BBS4: variants seen among roughly 807,000 people sequenced by gnomAD.
BBS4 encodes BBSome complex member BBS4.
BBS4 carries 58 observed loss-of-function variants against 71.4 expected under a neutral mutation model. That is an observed-to-expected ratio of 0.81 (90% CI 0.66 to 1.01). The LOEUF is 1.01. Ranked by LOEUF, BBS4 falls within the 50% of genes least tolerant of loss-of-function variation. The pLI, the probability that BBS4 is intolerant of heterozygous loss-of-function variation, is 0.00. For synonymous variants in BBS4, 228 were observed against 216.8 expected (o/e 1.05, Z -0.46); for missense variants, 660 against 607.9 (o/e 1.09, Z -0.90).
intron 2 of BBS4, among the ~76,000 whole-genome samples, chr15:72,704,237 G>A (rs2065224041): frequency 6.6e-6 from 1 of 152,094 alleles, no homozygotes; most frequent in South Asian, 2.1e-4. Flanking sequence ...CTCGTCAGCT[G>A]GCTACCTGAC....
chr15:72,708,336 G>A (rs1338958497), intron 2 of BBS4, among the ~76,000 whole-genome samples: 5 of 152,098 alleles, frequency 3.3e-5, no homozygotes, highest in African/African-American at 7.2e-5. Context: ...CGGAGGGACC[G>A]GCTGGAGCTG....
At chr15:72,736,162 GCTTA>G (rs1214277090) in intron 14 of BBS4, among the ~76,000 whole-genome samples, 196 bp downstream of exon 14, 2 of 151,842 alleles carry the variant, frequency 1.3e-5, no homozygotes, top group African/African-American at 2.4e-5. Context: ...GGAAATTCAG[GCTTA>G]CTGAGTTGTT....
chr15:72,702,548 A>G, intron 2 of BBS4, among the ~76,000 whole-genome samples: 1 of 148,122 alleles, frequency 6.8e-6, no homozygotes, highest in East Asian at 2.5e-4. Context: ...AATCTTTTAT[A>G]TGACTTTTTT....
rs563168811 is a variant in BBS4, at chr15:72,704,837, G to A, written c.77-4863G>A. On this transcript the variant is annotated intron_variant, in intron 2 of 15. Transcript: ENST00000268057. ...GGAGATTGCGGTGAGCTAAGATCGC[G>A]CCACTGCACTCCGGCCTTTATGACA... Among the ~76,000 whole-genome samples the A allele has an allele frequency of 4.0e-5, 6 of 150,318 alleles. No homozygotes were observed. The East Asian group carries it at 8.5e-4, about 21-fold the overall frequency.
At chr15:72,724,755 C>A in intron 8 of BBS4, 100 bp downstream of exon 8, 1 of 1,468,486 alleles carries the variant, frequency 6.8e-7, no homozygotes, top group Non-Finnish European at 9.3e-7. Flanking sequence ...TGATTAATTA[C>A]TTACTGTATG....
chr15:72,729,669 C>A lies in BBS4; in HGVS notation c.696C>A (p.Asp232Glu), dbSNP rs1226328353. 6.2e-7 allele frequency: 1 copy of A among 1,614,050 alleles called. No individual in the cohort carries two copies. Among genetic ancestry groups the A allele is most frequent in the East Asian group, 2.2e-5 (1 of 44,880 alleles). Residue 232 changes from aspartate (D) to glutamate (E), a missense_variant, in exon 10 of 16, where the codon GAC becomes GAA. Transcript: ENST00000268057. The part of the protein sequence containing the change: ...FEHLGNALTY[D>E]PTNYKAILAA... ...ATCTTGGCAATGCACTGACTTATGA[C>A]CCTACCAACTACAAGGTATTACAGG...
At chr15:72,706,298 G>A (rs984336452) in intron 2 of BBS4, among the ~76,000 whole-genome samples, 4 of 151,904 alleles carry the variant, frequency 2.6e-5, no homozygotes, top group South Asian at 2.1e-4. Flanking sequence ...CACCACTCCC[G>A]GCTAATTTTT....
chr15:72,707,643 C>T (rs1467306693), intron 2 of BBS4, among the ~76,000 whole-genome samples: 1 of 152,108 alleles, frequency 6.6e-6, no homozygotes, highest in East Asian at 1.9e-4. Context: ...GTTGAAGTCT[C>T]CTTTCTGTCT....
intron 3 of BBS4, among the ~76,000 whole-genome samples, chr15:72,710,496 A>G (rs2065349971): frequency 6.6e-6 from 1 of 151,796 alleles, no homozygotes; most frequent in African/African-American, 2.4e-5. Context: ...CACCGTGCCC[A>G]GCCCTGAGTT....
chr15:72,722,202 C>A (rs76532721), intron 6 of BBS4, among the ~76,000 whole-genome samples: 3,742 of 152,324 alleles, frequency 0.025, 60 homozygotes, highest in Non-Finnish European at 0.036. Context: ...CCATAGTTTT[C>A]CCATGTCAGC....
rs765341898 is a variant in BBS4 at position 72,736,833 on chromosome 15, TAA to T, written c.1322_1323del (p.Lys441ArgfsTer24). ...AGGCACTGGTCTGGACCAAACCAGT[TAA>T]AGATCCCAAATCAAAGCACCAGACC... ...GEALVWTKPV[K>X]DPKSKHQTTS... is the part of the protein sequence containing the mutation. On this transcript the variant is annotated frameshift_variant, in exon 15 of 16. Transcript: ENST00000268057. LOFTEE classifies it high-confidence loss of function. The T allele has an allele frequency of 3.1e-6, 5 of 1,614,172 alleles. No individual in the cohort carries two copies.
At chr15:72,722,420 G>A (rs1236920200) in intron 6 of BBS4, among the ~76,000 whole-genome samples, 3 of 152,224 alleles carry the variant, frequency 2.0e-5, no homozygotes, top group East Asian at 1.9e-4. Flanking sequence ...GAAATGTGTG[G>A]CTAGCAGCCC....
At chr15:72,703,997 C>T (rs2065220168) in intron 2 of BBS4, among the ~76,000 whole-genome samples, 1 of 152,154 alleles carries the variant, frequency 6.6e-6, no homozygotes, top group Admixed American at 6.6e-5. Context: ...TGTTTATTCA[C>T]TTCTGGAATT....
intron 6 of BBS4, among the ~76,000 whole-genome samples, chr15:72,719,749 C>G (rs1182603591): frequency 2.3e-5 from 1 of 43,242 alleles, no homozygotes; most frequent in Admixed American, 1.8e-4. Context: ...AACAGCCATT[C>G]TTTTTTTTTT....
intron 2 of BBS4, among the ~76,000 whole-genome samples, chr15:72,708,127 C>T (rs938781461): frequency 1.6e-4 from 24 of 151,996 alleles, no homozygotes; most frequent in African/African-American, 4.3e-4. Flanking sequence ...TTACCACACC[C>T]GGCTAATTTT....
intron 12 of BBS4, among the ~76,000 whole-genome samples, chr15:72,734,240 C>A (rs1053483816): frequency 6.6e-6 from 1 of 152,080 alleles, no homozygotes; most frequent in African/African-American, 2.4e-5. Flanking sequence ...TAGCTGGGTT[C>A]TAATGGAACA....
At chr15:72,692,554 C>T (rs762045482) in intron 1 of BBS4, among the ~76,000 whole-genome samples, 3 of 151,634 alleles carry the variant, frequency 2.0e-5, no homozygotes, top group Non-Finnish European at 4.4e-5. Context: ...CTCAAGCAAT[C>T]GGCCTGCCTC....
chr15:72,695,623 A>G (rs568730762), intron 2 of BBS4, among the ~76,000 whole-genome samples: 4 of 152,290 alleles, frequency 2.6e-5, no homozygotes, highest in South Asian at 2.1e-4. Context: ...TATCTATTCT[A>G]TATTATTTCA....
At chr15:72,700,603 T>C (rs2065153332) in intron 2 of BBS4, among the ~76,000 whole-genome samples, 1 of 152,180 alleles carries the variant, frequency 6.6e-6, no homozygotes, top group African/African-American at 2.4e-5. Context: ...TGCTCAAGTT[T>C]TTTGCCTATT....
Sources: allele counts gnomAD v4.1 joint callset (sites outside exome capture counted in the v4.1 genomes callset), GRCh38; gene constraint gnomAD v4.1.1; transcripts MANE v1.5; gene names NCBI Gene and HGNC (gene_info 2026-07-23, HGNC 2026-07-21).